Variants in ACBD6 observed in about 807,000 individuals in gnomAD.
ACBD6 encodes the protein acyl-CoA-binding domain-containing protein 6.
ACBD6 carries 28 observed loss-of-function variants against 37.2 expected under a neutral mutation model. That is an observed-to-expected ratio of 0.75 (90% CI 0.56 to 1.03). ACBD6 has a LOEUF of 1.03. Among genes scored for constraint, ACBD6 ranks in the 50% least tolerant of loss-of-function variants. ACBD6 has a pLI of 0.00. For synonymous variants in ACBD6, 113 were observed against 126.8 expected, an observed-to-expected ratio of 0.89 and a Z score of 0.73; for missense variants, 340 against 337.4, an observed-to-expected ratio of 1.01 and a Z score of -0.06.
chr1:180,361,065 C>G (rs951195630), intron 6 of ACBD6, among the ~76,000 whole-genome samples: 9 of 152,100 alleles, frequency 5.9e-5, no homozygotes, highest in African/African-American at 2.2e-4. Context: ...GATTGTCCCC[C>G]CATTTGCTGG....
At chr1:180,299,805 C>T (rs1446941702) in intron 7 of ACBD6, among the ~76,000 whole-genome samples, 1 of 151,870 alleles carries the variant, frequency 6.6e-6, no homozygotes, top group Non-Finnish European at 1.5e-5. Context: ...GGCTAACAGG[C>T]CATTTATAAG....
chr1:180,415,305 G>A (rs150759677), intron 4 of ACBD6, among the ~76,000 whole-genome samples: 34 of 145,952 alleles, frequency 2.3e-4, no homozygotes, highest in African/African-American at 8.1e-4. Context: ...GCTGAGGCAG[G>A]AGAATCACTT....
intron 3 of ACBD6, among the ~76,000 whole-genome samples, chr1:180,433,907 G>T (rs1295279859): frequency 6.6e-6 from 1 of 152,058 alleles, no homozygotes; most frequent in Admixed American, 6.5e-5. Flanking sequence ...AGAGGAATGG[G>T]TGCTGGGAGC....
Position 180,300,234 on chromosome 1 carries a change from GTTCCAAGA to G in ACBD6, c.695-11725_695-11718del, listed in dbSNP as rs1419617644. Reference sequence around the variant, plus strand: ...TAACGATACTTATAGTTTTAGGAAAGTTCCAAGAGTAGGTTAAGAGTCCTGAAATAAAA... The same window carrying G: ...TAACGATACTTATAGTTTTAGGAAAGGTAGGTTAAGAGTCCTGAAATAAAA... On this transcript the variant is annotated intron_variant, in intron 7 of 7. Coordinates refer to ENST00000367595, the MANE Select transcript of ACBD6 (RefSeq NM_032360.4). Among the ~76,000 whole-genome samples the G allele has an allele frequency of 2.0e-5, 3 of 152,290 alleles. No homozygotes were observed. The East Asian group carries it at 5.8e-4, about 29-fold the overall frequency.
intron 6 of ACBD6, among the ~76,000 whole-genome samples, chr1:180,330,227 C>T (rs1571367831): frequency 1.3e-5 from 2 of 150,966 alleles, no homozygotes; most frequent in Admixed American, 1.3e-4. Flanking sequence ...GCCTGGGCAA[C>T]ATTAGGGAGA....
chr1:180,415,183 G>A (rs1010795759), intron 4 of ACBD6, among the ~76,000 whole-genome samples: 2 of 152,050 alleles, frequency 1.3e-5, no homozygotes, highest in Admixed American at 6.6e-5. Flanking sequence ...TGGATCATAA[G>A]GTCAGGAGTT....
At position 180,382,621 on chromosome 1, in the gene ACBD6, A is replaced by C. The variant is rs756868081; in HGVS notation, c.663+14895T>G. ...TGGCTTCACTGCTGAATTCTACCAA[A>C]CTTTCAAAGAAGAACTAACACCAGT... On this transcript the variant is annotated intron_variant, in intron 6 of 7. Transcript: ENST00000367595. 1.4e-4 allele frequency among the ~76,000 whole-genome samples: 21 copies of C among 152,146 alleles called. 1 individual carries two copies. Among genetic ancestry groups the C allele is most frequent in the Non-Finnish European group, 2.6e-4 (18 of 68,020 alleles).
At chr1:180,389,846 GTTGT>G (rs1179367365) in intron 6 of ACBD6, among the ~76,000 whole-genome samples, 8 of 152,126 alleles carry the variant, frequency 5.3e-5, no homozygotes, top group East Asian at 1.9e-4. Context: ...TTTTGATGGG[GTTGT>G]TTGTTTTTTT....
rs530410711 is a variant in ACBD6, at chr1:180,343,767, A to G, written c.664-29045T>C. Among the ~76,000 whole-genome samples, 12 of 152,274 alleles carry G rather than the reference A, an allele frequency of 7.9e-5. No homozygotes were observed. In the South Asian group the frequency reaches 1.9e-3, roughly 24 times the overall value. On this transcript the variant is annotated intron_variant, in intron 6 of 7. Coordinates refer to ENST00000367595, the MANE Select transcript of ACBD6 (RefSeq NM_032360.4). ...ATATAGTAAAAGTAAGCATAAAAAC[A>G]AAACAAAACAAAAACAAACAGGCCA...
intron 5 of ACBD6, among the ~76,000 whole-genome samples, chr1:180,403,161 A>G (rs1647452034): frequency 6.6e-6 from 1 of 152,206 alleles, no homozygotes; most frequent in Non-Finnish European, 1.5e-5. Context: ...GAATAATATC[A>G]AAACGGTGGT....
intron 7 of ACBD6, among the ~76,000 whole-genome samples, chr1:180,306,129 A>C (rs141409763): frequency 0.021 from 3,175 of 150,796 alleles, 47 homozygotes; most frequent in South Asian, 0.031. Flanking sequence ...GGATAGCATT[A>C]GGAGATATAC....
chr1:180,299,561 CT>C (rs112570140), intron 7 of ACBD6, among the ~76,000 whole-genome samples: 10,676 of 147,544 alleles, frequency 0.072, 983 homozygotes, highest in African/African-American at 0.22. Context: ...TAATGAATTT[CT>C]TTTTTTTTTT....
chr1:180,292,484 G>T (rs1395986496), intron 7 of ACBD6, among the ~76,000 whole-genome samples: 1 of 152,036 alleles, frequency 6.6e-6, no homozygotes, highest in South Asian at 2.1e-4. Context: ...AAACAATTAA[G>T]ATTTGTATAC....
At chr1:180,376,499 G>A (rs896448626) in intron 6 of ACBD6, among the ~76,000 whole-genome samples, 1 of 152,128 alleles carries the variant, frequency 6.6e-6, no homozygotes, top group African/African-American at 2.4e-5. Context: ...CTATGCAGCT[G>A]TAAATAAAAA....
intron 6 of ACBD6, among the ~76,000 whole-genome samples, chr1:180,358,556 C>CCA (rs768547068): frequency 2.0e-5 from 3 of 149,780 alleles, no homozygotes; most frequent in African/African-American, 7.3e-5. Context: ...ACAGAAACCC[C>CCA]AAAAAAAACC....
At chr1:180,271,253 T>C in exon 14 of ACBD6, 1 of 1,028,582 alleles carries the variant, frequency 9.7e-7, no homozygotes, top group Admixed American at 1.7e-5. Context: ...TGATGTCCCC[T>C]GTGCCTCGCG....
intron 6 of ACBD6, among the ~76,000 whole-genome samples, chr1:180,384,301 C>T (rs1258790580): frequency 6.6e-6 from 1 of 151,802 alleles, no homozygotes; most frequent in Non-Finnish European, 1.5e-5. Flanking sequence ...TCAAACCATT[C>T]AATAGTTAAA....
At chr1:180,308,193 C>CT (rs1318719828) in intron 7 of ACBD6, among the ~76,000 whole-genome samples, 1 of 151,934 alleles carries the variant, frequency 6.6e-6, no homozygotes, top group Non-Finnish European at 1.5e-5. Context: ...TCTGCCTGTT[C>CT]TTTTTTGGAA....
At chr1:180,277,613 T>TAAG (rs778874982) in intron 9 of ACBD6, 1 of 152,204 alleles carries the variant, frequency 6.6e-6, no homozygotes, top group Non-Finnish European at 1.5e-5. Flanking sequence ...ATTTAAGGGC[T>TAAG]AAGAAGCTGG....
Sources: allele counts gnomAD v4.1 joint callset (sites outside exome capture counted in the v4.1 genomes callset), GRCh38; gene constraint gnomAD v4.1.1; transcripts MANE v1.5; gene names NCBI Gene and HGNC (gene_info 2026-07-23, HGNC 2026-07-21).